The following ENPEP variants were observed in gnomAD, a reference collection of about 807,000 sequenced individuals.
ENPEP encodes AP-A.
A neutral mutation model predicts 114.5 loss-of-function variants in ENPEP; 103 were observed. The observed-to-expected ratio is 0.90, with a 90% confidence interval of 0.77 to 1.06. The LOEUF is 1.06. ENPEP is among the 50% of genes least tolerant of loss of function. The probability of loss-of-function intolerance (pLI) is 0.00; values close to 1 mark genes in which losing one functional copy is unlikely to be tolerated. For missense variants in ENPEP, 1,196 were observed against 1,161.3 expected, an observed-to-expected ratio of 1.03 and a Z score of -0.43; for synonymous variants, 420 against 422.0, an observed-to-expected ratio of 1.00 and a Z score of 0.06.
At chr4:110,488,401 GTCT>G in intron 1 of ENPEP, 137 bp from the exon 2 acceptor site, 3 of 1,121,440 alleles carry the variant, frequency 2.7e-6, no homozygotes, top group Non-Finnish European at 3.4e-6. Context: ...ATATTTGATA[GTCT>G]TCTAGATGGA....
chr4:110,542,702 G>C lies in ENPEP; in HGVS notation c.1808-49G>C, dbSNP rs113665499. On this transcript the variant is annotated intron_variant, in intron 11 of 19. Transcript: ENST00000265162. Reference sequence around the variant, plus strand: ...CCTCTGGGTCTAATTTCTCTGTGTTGACAGTGCATGCAAACATGTTGCTCA... The same window carrying C: ...CCTCTGGGTCTAATTTCTCTGTGTTCACAGTGCATGCAAACATGTTGCTCA... The C allele has an allele frequency of 1.6e-3, 2,404 of 1,528,932 alleles. 22 individuals are homozygous for C. The African/African-American group carries it at 0.029, about 18-fold the overall frequency. The allele number at this position is 1,528,932 out of a possible 1,614,324, so 94.7% of individuals were successfully genotyped here. A position where few individuals can be genotyped will look rare whatever the true frequency, so the allele number is the denominator to read the frequency against.
At chr4:110,490,704 G>T (rs1724674711) in intron 2 of ENPEP, among the ~76,000 whole-genome samples, 1 of 152,166 alleles carries the variant, frequency 6.6e-6, no homozygotes. Context: ...TTTTTCATTA[G>T]GAGATTGCAG....
intron 10 of ENPEP, among the ~76,000 whole-genome samples, chr4:110,528,109 T>A (rs1461131641): frequency 6.6e-6 from 1 of 152,226 alleles, no homozygotes; most frequent in Non-Finnish European, 1.5e-5. Context: ...TTGTCTTCAG[T>A]TTCCACCTTC....
chr4:110,543,280 CACAAAA>C (rs1175999350), intron 13 of ENPEP, among the ~76,000 whole-genome samples: 18 of 152,188 alleles, frequency 1.2e-4, no homozygotes, highest in Non-Finnish European at 1.5e-5. Context: ...TTAAGGTATA[CACAAAA>C]ACAAACCTAA....
chr4:110,495,588 G>T (rs1215861603), intron 3 of ENPEP, among the ~76,000 whole-genome samples: 1 of 152,136 alleles, frequency 6.6e-6, no homozygotes, highest in Admixed American at 6.5e-5. Flanking sequence ...GGGCGTGATG[G>T]TGTGTGCCTG....
At chr4:110,514,460 T>G (rs72892393) in intron 7 of ENPEP, among the ~76,000 whole-genome samples, 2,755 of 152,200 alleles carry the variant, frequency 0.018, 104 homozygotes, top group African/African-American at 0.063. Context: ...ATATTATGAA[T>G]GATTCCTTTT....
intron 4 of ENPEP, among the ~76,000 whole-genome samples, chr4:110,507,212 G>T (rs1725405979): frequency 6.6e-6 from 1 of 152,080 alleles, no homozygotes; most frequent in Non-Finnish European, 1.5e-5. Flanking sequence ...GTTGTACAAG[G>T]CAAATTCTAG....
At chr4:110,546,062 T>C (rs1216410876) in intron 13 of ENPEP, among the ~76,000 whole-genome samples, 1 of 152,006 alleles carries the variant, frequency 6.6e-6, no homozygotes, top group Non-Finnish European at 1.5e-5. Flanking sequence ...GCCCTAGCCC[T>C]TGGAGGGGAG....
chr4:110,498,845 C>A (rs1001042791), intron 3 of ENPEP, among the ~76,000 whole-genome samples: 5 of 152,212 alleles, frequency 3.3e-5, no homozygotes, highest in Non-Finnish European at 5.9e-5. Context: ...CCTTCCCTCA[C>A]CTTCCCTGGC....
At chr4:110,478,194 TCAGA>T (rs1467601371) in intron 1 of ENPEP, among the ~76,000 whole-genome samples, 1 of 152,234 alleles carries the variant, frequency 6.6e-6, no homozygotes, top group African/African-American at 2.4e-5. Context: ...CTATTGTTTG[TCAGA>T]CAGACCCACG....
intron 18 of ENPEP, among the ~76,000 whole-genome samples, chr4:110,557,427 T>C (rs1727519018): frequency 6.6e-6 from 1 of 152,192 alleles, no homozygotes; most frequent in Non-Finnish European, 1.5e-5. Context: ...GGTACCAGAA[T>C]GTATCATTAA....
chr4:110,556,696 G>T (rs1170283316), intron 18 of ENPEP, among the ~76,000 whole-genome samples: 2 of 152,056 alleles, frequency 1.3e-5, no homozygotes, highest in Non-Finnish European at 1.5e-5. Flanking sequence ...TCTGATAAAT[G>T]TTGCAGAATT....
At position 110,520,342 on chromosome 4, in the gene ENPEP, C is replaced by G; in HGVS notation, c.1703C>G (p.Pro568Arg). 6.2e-7 allele frequency: 1 copy of G among 1,613,990 alleles called. No homozygotes were observed. Among genetic ancestry groups the G allele is most frequent in the Non-Finnish European group, 8.5e-7 (1 of 1,179,948 alleles). Residue 568 changes from proline to arginine, a missense_variant, in exon 10 of 20, where the codon CCT becomes CGT. Pro to Arg is a moderately radical substitution (Grantham distance 103, BLOSUM62 -2). Coordinates refer to ENST00000265162, the MANE Select transcript of ENPEP (RefSeq NM_001977.4). The part of the protein sequence containing the change: ...KRFLLDPRAN[P>R]SQPPSDLGYT... ...TTTTTGTTGGACCCAAGAGCTAACC[C>G]TTCTCAGCCCCCTTCAGATCTTGGG... is the stretch of plus-strand genomic sequence containing the variant.
intron 11 of ENPEP, among the ~76,000 whole-genome samples, chr4:110,541,094 A>G (rs753476447): frequency 2.0e-5 from 3 of 152,266 alleles, no homozygotes; most frequent in Non-Finnish European, 2.9e-5. Context: ...ATGCCAAAAG[A>G]TTAGCTTCCT....
chr4:110,548,053 A>T, intron 13 of ENPEP, 123 bp from the exon 14 acceptor site: 1 of 1,119,650 alleles, frequency 8.9e-7, no homozygotes, highest in Non-Finnish European at 1.2e-6. Context: ...GTTGAATGGA[A>T]GAATCCTCAT....
rs1578386549 is a variant in ENPEP at position 110,476,673 on chromosome 4, C to G, written c.259C>G (p.Gln87Glu). ...CCCGGCCAGTGAGGATGAGAGCGGA[C>G]AGTGGAAAAACTTTCGACTGCCGGA... ...ICPASEDESGQWKNFRLPDFV... is the reference protein window; with the variant it reads ...ICPASEDESGEWKNFRLPDFV... The change falls in exon 1 of 20, where the codon CAG (glutamine) becomes GAG (glutamate). Residue 87 changes from glutamine to glutamate, a missense_variant. Gln to Glu is a conservative substitution (Grantham distance 29). Coordinates refer to ENST00000265162, the MANE Select transcript of ENPEP (RefSeq NM_001977.4). 2.5e-6 allele frequency: 4 copies of G among 1,613,756 alleles called. No individual in the cohort carries two copies. Among genetic ancestry groups the G allele is most frequent in the Non-Finnish European group, 2.5e-6 (3 of 1,180,052 alleles).
chr4:110,502,963 G>T (rs1268663954), intron 3 of ENPEP, among the ~76,000 whole-genome samples: 2 of 151,772 alleles, frequency 1.3e-5, no homozygotes, highest in African/African-American at 4.8e-5. Context: ...GTGCAGGTTT[G>T]TTACATATGT....
chr4:110,544,026 T>C (rs1457982294), intron 13 of ENPEP, among the ~76,000 whole-genome samples: 35 of 152,078 alleles, frequency 2.3e-4, no homozygotes, highest in Admixed American at 2.3e-3. Flanking sequence ...GGTGGAAGAA[T>C]AGTATAGTAG....
At chr4:110,477,338 A>G (rs769399450) in intron 1 of ENPEP, among the ~76,000 whole-genome samples, 1 of 152,200 alleles carries the variant, frequency 6.6e-6, no homozygotes, top group Non-Finnish European at 1.5e-5. Flanking sequence ...ACTGCACCCT[A>G]TCTTGAAGAT....
Sources: allele counts gnomAD v4.1 joint callset (sites outside exome capture counted in the v4.1 genomes callset), GRCh38; gene constraint gnomAD v4.1.1; transcripts MANE v1.5; gene names NCBI Gene and HGNC (gene_info 2026-07-23, HGNC 2026-07-21).